The following CDKL1 variants were observed in gnomAD, a reference collection of about 807,000 sequenced individuals.
The protein encoded by CDKL1 is cyclin-dependent kinase-like 1.
CDKL1 carries 41 observed loss-of-function variants against 42.0 expected under a neutral mutation model. That is an observed-to-expected ratio of 0.98 (90% CI 0.76 to 1.27). CDKL1 has a LOEUF of 1.27. Ranked by LOEUF, CDKL1 falls within the 50% of genes most tolerant of loss-of-function variation. The pLI is 0.00. For missense variants in CDKL1, 394 were observed against 428.4 expected, an observed-to-expected ratio of 0.92 and a Z score of 0.71; for synonymous variants, 153 against 158.6, an observed-to-expected ratio of 0.96 and a Z score of 0.26.
intron 2 of CDKL1, among the ~76,000 whole-genome samples, chr14:50,393,280 G>A (rs2035310599): frequency 6.6e-6 from 1 of 152,202 alleles, no homozygotes; most frequent in Non-Finnish European, 1.5e-5. Context: ...CAGTCTATAA[G>A]GGGTGAGAGC....
rs897461690 is a variant in CDKL1 at position 50,326,769 on chromosome 14, C to T, written c.*3305G>A. The T allele has an allele frequency of 8.2e-5, 81 of 984,766 alleles. No individual in the cohort carries two copies. Among genetic ancestry groups the T allele is most frequent in the Middle Eastern group, 5.2e-4 (1 of 1,936 alleles). 61.0% of individuals were successfully genotyped at this position (984,766 alleles called of 1,614,324 possible). A position where few individuals can be genotyped will look rare whatever the true frequency, so the allele number is the denominator to read the frequency against. On this transcript the variant is annotated 3_prime_UTR_variant, in exon 10 of 10. Coordinates refer to ENST00000395834, the MANE Select transcript of CDKL1 (RefSeq NM_004196.7). ...CCTAACATTGCTTTAGGCTGGGTGC[C>T]GTGGCTCGTGCCTGTAATCCCAGTG...
chr14:50,369,304 A>T (rs1485943661), intron 2 of CDKL1, among the ~76,000 whole-genome samples: 3 of 152,122 alleles, frequency 2.0e-5, no homozygotes, highest in African/African-American at 7.2e-5. Context: ...TTCACTTTAG[A>T]CAAGGCTTGT....
chr14:50,337,345 A>G (rs926561898), intron 7 of CDKL1, among the ~76,000 whole-genome samples: 1 of 131,830 alleles, frequency 7.6e-6, no homozygotes, highest in Non-Finnish European at 1.6e-5. Flanking sequence ...TTTTTTTTTT[A>G]ACTACATGGT....
chr14:50,368,582 T>C (rs944417776), intron 2 of CDKL1, among the ~76,000 whole-genome samples: 1 of 152,118 alleles, frequency 6.6e-6, no homozygotes, highest in Non-Finnish European at 1.5e-5. Context: ...GTGTTTCAAA[T>C]ACTGATGTTC....
Position 50,327,482 on chromosome 14 carries a change from T to TTG in CDKL1, c.*2590_*2591dup, listed in dbSNP as rs2032751985. ...AACTTTTTTTTTTTTTTTTTTTTTT[T>TTG]TGAGACAGACTCTCACTCTGTTGCC... On this transcript the variant is annotated 3_prime_UTR_variant, in exon 10 of 10. Coordinates refer to ENST00000395834, the MANE Select transcript of CDKL1 (RefSeq NM_004196.7). 21 of 104,026 alleles carry TTG rather than the reference T, an allele frequency of 2.0e-4. No homozygotes were observed. The South Asian group carries it at 6.7e-3, about 33-fold the overall frequency. 6.4% of individuals were successfully genotyped at this position (104,026 alleles called of 1,614,324 possible).
upstream of CDKL1, chr14:50,397,138 C>T (rs138115022): frequency 1.0e-4 from 136 of 1,365,970 alleles, no homozygotes; most frequent in East Asian, 5.9e-3. Context: ...GCAGCTGTAA[C>T]CGCGTCTGCG....
Position 50,341,084 on chromosome 14 carries a change from C to G in CDKL1, c.603G>C (p.Leu201=). 1.2e-6 allele frequency: 2 copies of G among 1,614,166 alleles called. 1 individual carries two copies. The highest frequency in any genetic ancestry group is 4.5e-5 in the East Asian group (2 of 44,878). ...VFAELLSGVP[L]WPGKSDVDQL... ...GATCCACATCCGATTTTCCTGGCCA[C>G]AGAGGCACTCCTGACAGCAGCTCAG... Residue 201 remains leucine (L), a synonymous_variant, in exon 6 of 10, where the codon CTG becomes CTC. Coordinates refer to ENST00000395834, the MANE Select transcript of CDKL1 (RefSeq NM_004196.7).
chr14:50,363,210 G>T (rs952406029), intron 2 of CDKL1: 1 of 214,220 alleles, frequency 4.7e-6, no homozygotes, highest in Admixed American at 4.9e-5. Context: ...TTTAAGAAGT[G>T]TAACACTCAC....
At chr14:50,340,260 A>G (rs145922863) in intron 6 of CDKL1, among the ~76,000 whole-genome samples, 6 of 152,306 alleles carry the variant, frequency 3.9e-5, no homozygotes, top group Non-Finnish European at 7.4e-5. Context: ...GTGGAGGGTA[A>G]GTAGAAATAT....
intron 7 of CDKL1, among the ~76,000 whole-genome samples, chr14:50,335,140 C>CA (rs2033186758): frequency 6.6e-6 from 1 of 150,576 alleles, no homozygotes; most frequent in Admixed American, 6.6e-5. Flanking sequence ...AAAAAAATAC[C>CA]AAAAAACTAG....
intron 2 of CDKL1, among the ~76,000 whole-genome samples, chr14:50,372,703 T>C (rs1437380403): frequency 6.6e-6 from 1 of 152,214 alleles, no homozygotes. Flanking sequence ...GGTTGATTTT[T>C]GTATATTGTG....
rs763542132 is a variant in CDKL1 at position 50,337,534 on chromosome 14, G to T, written c.738+1413C>A. Reference sequence around the variant, plus strand: ...CCCCAGTTAGTTTTAAAAATATTTTGTAGAGACAGGGTCTTGCTATGTTGC... The same window carrying T: ...CCCCAGTTAGTTTTAAAAATATTTTTTAGAGACAGGGTCTTGCTATGTTGC... On this transcript the variant is annotated intron_variant, in intron 7 of 9. Coordinates refer to ENST00000395834, the MANE Select transcript of CDKL1 (RefSeq NM_004196.7). Among the ~76,000 whole-genome samples, 103 of 151,274 alleles carry T rather than the reference G, an allele frequency of 6.8e-4. 2 individuals carry two copies. Among genetic ancestry groups the T allele is most frequent in the Non-Finnish European group, 2.2e-4 (15 of 67,782 alleles).
chr14:50,334,088 A>T (rs2033121176), intron 8 of CDKL1: 1 of 152,166 alleles, frequency 6.6e-6, no homozygotes, highest in South Asian at 2.1e-4. Context: ...TAAAGTGGAA[A>T]ATACTTGCAA....
chr14:50,384,551 T>C (rs959981946), intron 2 of CDKL1, among the ~76,000 whole-genome samples: 4 of 151,510 alleles, frequency 2.6e-5, no homozygotes, highest in Non-Finnish European at 5.9e-5. Flanking sequence ...CCGCAAATGC[T>C]AAATGTGTGA....
At chr14:50,359,797 T>TGAA (rs368034175) in intron 2 of CDKL1, among the ~76,000 whole-genome samples, 3 of 120,894 alleles carry the variant, frequency 2.5e-5, no homozygotes, top group African/African-American at 9.5e-5. Flanking sequence ...GTGTCTAGAT[T>TGAA]AAAAAAAAAA....
intron 3 of CDKL1, among the ~76,000 whole-genome samples, chr14:50,351,825 A>G (rs1442567070): frequency 6.6e-6 from 1 of 152,074 alleles, no homozygotes; most frequent in Non-Finnish European, 1.5e-5. Flanking sequence ...TGTTAATTTG[A>G]GGAAAAAGTA....
intron 2 of CDKL1, among the ~76,000 whole-genome samples, chr14:50,379,470 C>G (rs1323572885): frequency 5.9e-5 from 9 of 152,176 alleles, no homozygotes; most frequent in Non-Finnish European, 1.5e-5. Flanking sequence ...GCTGGAGATG[C>G]TACCACGGAA....
chr14:50,334,715 C>T (rs2033159129), intron 7 of CDKL1, 94 bp from the exon 8 acceptor site: 1 of 822,664 alleles, frequency 1.2e-6, no homozygotes, highest in Non-Finnish European at 2.1e-6. Context: ...TTTCCTGGCA[C>T]CTTCCTCACG....
At chr14:50,350,665 C>A (rs2033875007) in intron 3 of CDKL1, among the ~76,000 whole-genome samples, 1 of 152,194 alleles carries the variant, frequency 6.6e-6, no homozygotes, top group African/African-American at 2.4e-5. Context: ...GCTTTAAAAT[C>A]CTGAAGATAT....
Sources: gnomAD v4.1 joint callset for allele counts (sites outside exome capture counted in the v4.1 genomes callset) on GRCh38, gnomAD v4.1.1 for gene constraint, MANE v1.5 for transcripts, NCBI Gene and HGNC (gene_info 2026-07-23, HGNC 2026-07-21) for gene names.